The following BMP2K variants were observed in gnomAD, a reference collection of about 807,000 sequenced individuals.
BMP2K encodes the protein BMP2 inducible kinase, also known as BMP-2-inducible protein kinase.
Under a neutral mutation model 116.0 loss-of-function variants are expected in BMP2K, and 74 were observed. The ratio of observed to expected loss-of-function variants is 0.64; its 90% CI spans 0.53 to 0.77. BMP2K has a LOEUF of 0.77. Among genes scored for constraint, BMP2K ranks in the 30% least tolerant of loss-of-function variants. BMP2K has a pLI of 0.00. For missense variants in BMP2K, 1,365 were observed against 1,403.6 expected (o/e 0.97, Z 0.44); for synonymous variants, 486 against 502.5 (o/e 0.97, Z 0.44).
chr4:78,855,522 A>G (rs1011991124), intron 7 of BMP2K, among the ~76,000 whole-genome samples: 7 of 152,164 alleles, frequency 4.6e-5, no homozygotes, highest in Admixed American at 2.6e-4. Flanking sequence ...AATGGTAACT[A>G]CTTTAATTTT....
chr4:78,843,294 C>A (rs1019335524), intron 4 of BMP2K, among the ~76,000 whole-genome samples: 3 of 151,868 alleles, frequency 2.0e-5, no homozygotes, highest in Non-Finnish European at 4.4e-5. Flanking sequence ...TCACTATAGC[C>A]TAACCTGCTG....
At chr4:78,865,851 T>C (rs2110052006) in intron 10 of BMP2K, 131 bp downstream of exon 10, 1 of 870,598 alleles carries the variant, frequency 1.1e-6, no homozygotes, top group Non-Finnish European at 1.7e-6. Context: ...AAACTTTCTA[T>C]TGATGTCTAA....
chr4:78,797,817 G>A (rs1728370846), intron 1 of BMP2K, among the ~76,000 whole-genome samples: 1 of 152,042 alleles, frequency 6.6e-6, no homozygotes, highest in South Asian at 2.1e-4. Flanking sequence ...CTTTGATTAG[G>A]AATGTGTTCT....
At chr4:78,845,989 A>C (rs566684282) in intron 5 of BMP2K, among the ~76,000 whole-genome samples, 1 of 151,844 alleles carries the variant, frequency 6.6e-6, no homozygotes, top group African/African-American at 2.4e-5. Context: ...TGAAGAATAC[A>C]AGAATAATAA....
At chr4:78,902,747 A>G (rs1341890461) in intron 15 of BMP2K, among the ~76,000 whole-genome samples, 1 of 152,188 alleles carries the variant, frequency 6.6e-6, no homozygotes, top group African/African-American at 2.4e-5. Context: ...ACTGCCCTCT[A>G]AAAGGAAAAG....
chr4:78,850,854 T>G, intron 6 of BMP2K, 70 bp from the exon 7 acceptor site: 75 of 1,531,970 alleles, frequency 4.9e-5, no homozygotes, highest in Non-Finnish European at 5.8e-5. Context: ...AAAGTAACAT[T>G]GAGTTTTTGG....
rs191123393 is a variant in BMP2K, at chr4:78,873,172, A to G, written c.1793+374A>G. ...TATTTACATGTTATTACCTTTGATT[A>G]ATTTTACTGTTTACTCATAAAGGTT... On this transcript the variant is annotated intron_variant, in intron 13 of 15. Transcript: ENST00000502613. 2.6e-3 allele frequency among the ~76,000 whole-genome samples: 394 copies of G among 152,334 alleles called. 1 individual carries two copies. The highest frequency in any genetic ancestry group is 4.4e-3 in the Non-Finnish European group (302 of 68,030).
At chr4:78,787,445 G>A (rs1333786026) in intron 1 of BMP2K, among the ~76,000 whole-genome samples, 3 of 152,154 alleles carry the variant, frequency 2.0e-5, no homozygotes, top group African/African-American at 7.2e-5. Context: ...CTCTCAAAAT[G>A]TTCTAGCCTG....
rs751762180 is a variant in BMP2K, at chr4:78,892,684, G to A, written c.2062+5400G>A. On this transcript the variant is annotated intron_variant, in intron 15 of 15. Coordinates refer to ENST00000502613, the MANE Select transcript of BMP2K (RefSeq NM_198892.2). ...TCCATTCCAGACCACTACAAAAAGT[G>A]AATATTTTGCAATAAAGAGAGGGAC... Among the ~76,000 whole-genome samples the A allele has an allele frequency of 5.2e-4, 79 of 152,128 alleles. 1 individual carries two copies. The highest frequency in any genetic ancestry group is 2.2e-3 in the Admixed American group (34 of 15,276).
At chr4:78,799,788 C>T (rs772896902) in intron 1 of BMP2K, among the ~76,000 whole-genome samples, 47 of 152,228 alleles carry the variant, frequency 3.1e-4, no homozygotes, top group East Asian at 7.7e-4. Context: ...TTTCCTTTCA[C>T]CCCCTCAGAG....
intron 7 of BMP2K, among the ~76,000 whole-genome samples, chr4:78,851,744 G>T (rs565822547): frequency 2.0e-5 from 3 of 151,964 alleles, no homozygotes; most frequent in Admixed American, 6.6e-5. Flanking sequence ...TGCTAAAATT[G>T]CAGATAAATC....
chr4:78,862,660 C>T (rs1048838072), intron 9 of BMP2K, among the ~76,000 whole-genome samples: 1 of 152,060 alleles, frequency 6.6e-6, no homozygotes, highest in Non-Finnish European at 1.5e-5. Flanking sequence ...CTAGTCAGTT[C>T]TACTCTTTGA....
At chr4:78,789,509 A>G (rs746216380) in intron 1 of BMP2K, among the ~76,000 whole-genome samples, 1 of 152,140 alleles carries the variant, frequency 6.6e-6, no homozygotes, top group Non-Finnish European at 1.5e-5. Flanking sequence ...GGGACTTTTA[A>G]TAGTCTGAAG....
chr4:78,842,376 T>A lies in BMP2K; in HGVS notation c.404-9T>A. 1 of 1,573,306 alleles carries A rather than the reference T, an allele frequency of 6.4e-7. No individual in the cohort carries two copies. Among genetic ancestry groups the A allele is most frequent in the Non-Finnish European group, 8.7e-7 (1 of 1,152,946 alleles). Reference sequence around the variant, plus strand: ...AAATATGTCCTCTCAAAATTACTTTTTTGGTTAGCTGGACAGGTAGTGAAT... The same window carrying A: ...AAATATGTCCTCTCAAAATTACTTTATTGGTTAGCTGGACAGGTAGTGAAT... On this transcript the variant is annotated splice_polypyrimidine_tract_variant and intron_variant, in intron 3 of 15. Transcript: ENST00000502613.
rs909528735 is a variant in BMP2K at position 78,916,217 on chromosome 4, C to G, written c.*4184C>G. 6.6e-5 allele frequency: 10 copies of G among 151,830 alleles called. No homozygotes were observed. Among genetic ancestry groups the G allele is most frequent in the African/African-American group, 2.4e-4 (10 of 41,416 alleles). The allele number at this position is 151,830 out of a possible 1,614,324, so 9.4% of individuals were successfully genotyped here. A position where few individuals can be genotyped will look rare whatever the true frequency, so the allele number is the denominator to read the frequency against. On this transcript the variant is annotated 3_prime_UTR_variant, in exon 16 of 16. Transcript: ENST00000502613. ...TGATTTTATTACTTTATTGCCTTTA[C>G]ACTGCTTATTCTTTTTGACTGAATT...
chr4:78,913,036 C>T lies in BMP2K; in HGVS notation c.*1003C>T, dbSNP rs1734743814. The T allele has an allele frequency of 6.6e-6, 1 of 152,158 alleles. No individual in the cohort carries two copies. Among genetic ancestry groups the T allele is most frequent in the Non-Finnish European group, 1.5e-5 (1 of 68,022 alleles). The allele number at this position is 152,158 out of a possible 1,614,324, so 9.4% of individuals were successfully genotyped here. A position where few individuals can be genotyped will look rare whatever the true frequency, so the allele number is the denominator to read the frequency against. ...TGTAGCGGAAACTGAATTTTCAAGA[C>T]ATTTACAATGTGAAATCATGTTGCA... On this transcript the variant is annotated 3_prime_UTR_variant, in exon 16 of 16. Transcript: ENST00000502613.
At position 78,887,261 on chromosome 4, in the gene BMP2K, C is replaced by A; in HGVS notation, c.2039C>A (p.Ser680Tyr). ...CATCCTCCAGAAGATCCTTTTGGTT[C>A]TGTTCCTTTCATTTCTCATTCAGGC... Reference protein sequence around the residue: ...HNHPPEDPFGSVPFISHSGSP... With the variant: ...HNHPPEDPFGYVPFISHSGSP... Residue 680 changes from serine (S) to tyrosine (Y), a missense_variant, in exon 15 of 16, where the codon TCT becomes TAT. This residue lies in a region of BMP2K where 596 missense variants were observed against 623.2 expected (regional missense o/e 0.96). Transcript: ENST00000502613. 6.2e-7 allele frequency: 1 copy of A among 1,608,832 alleles called. No individual in the cohort carries two copies. The highest frequency in any genetic ancestry group is 8.5e-7 in the Non-Finnish European group (1 of 1,177,260).
At chr4:78,819,348 C>T (rs553572432) in intron 1 of BMP2K, among the ~76,000 whole-genome samples, 1 of 152,270 alleles carries the variant, frequency 6.6e-6, no homozygotes, top group East Asian at 1.9e-4. Context: ...AGCCACTGTG[C>T]CTGGCCAAGT....
intron 1 of BMP2K, among the ~76,000 whole-genome samples, chr4:78,784,973 A>G (rs1357408752): frequency 6.6e-6 from 1 of 152,242 alleles, no homozygotes; most frequent in East Asian, 1.9e-4. Context: ...AGGGAGGAAT[A>G]GCAATGAACA....
Sources: allele counts gnomAD v4.1 joint callset (sites outside exome capture counted in the v4.1 genomes callset), GRCh38; gene constraint gnomAD v4.1.1; regional missense constraint gnomAD v4.1.1; transcripts MANE v1.5; gene names NCBI Gene and HGNC (gene_info 2026-07-23, HGNC 2026-07-21).